Variants in C10orf90 observed in about 807,000 individuals in gnomAD.
C10orf90 encodes the protein (E2-independent) E3 ubiquitin-conjugating enzyme FATS.
In C10orf90, 56 loss-of-function variants were observed where a neutral mutation model predicts 62.5. The ratio of observed to expected loss-of-function variants is 0.90; its 90% CI spans 0.72 to 1.12. The LOEUF is 1.12. C10orf90 is among the 50% of genes most tolerant of loss of function. C10orf90 has a pLI of 0.00. For missense variants in C10orf90, 970 were observed against 880.4 expected, an observed-to-expected ratio of 1.10 and a Z score of -1.29; for synonymous variants, 386 against 340.4, an observed-to-expected ratio of 1.13 and a Z score of -1.47.
intron 2 of C10orf90, among the ~76,000 whole-genome samples, chr10:126,625,165 C>T (rs150172658): frequency 1.7e-3 from 256 of 152,258 alleles, no homozygotes; most frequent in African/African-American, 5.3e-3. Context: ...CACTCACGTG[C>T]CATTTCCCCC....
At chr10:126,430,420 A>G (rs748924627) in intron 7 of C10orf90, among the ~76,000 whole-genome samples, 7 of 152,230 alleles carry the variant, frequency 4.6e-5, no homozygotes, top group Non-Finnish European at 1.0e-4. Flanking sequence ...CACAGTAGCT[A>G]AAAATCACTA....
intron 2 of C10orf90, among the ~76,000 whole-genome samples, chr10:126,565,050 A>G (rs1193592681): frequency 4.1e-5 from 1 of 24,586 alleles, no homozygotes; most frequent in Non-Finnish European, 7.4e-5. Flanking sequence ...TATAATATAT[A>G]ATATATAAAA....
At chr10:126,633,288 C>T (rs1845885805) in intron 2 of C10orf90, among the ~76,000 whole-genome samples, 1 of 152,226 alleles carries the variant, frequency 6.6e-6, no homozygotes, top group African/African-American at 2.4e-5. Flanking sequence ...CCCAGGGCCA[C>T]ATGATGTCTT....
intron 4 of C10orf90, among the ~76,000 whole-genome samples, chr10:126,495,130 AC>A (rs1457289997): frequency 6.6e-6 from 1 of 152,170 alleles, no homozygotes; most frequent in African/African-American, 2.4e-5. Context: ...TCATGTATAG[AC>A]GGTGCTCTGC....
At chr10:126,659,338 A>G (rs908470445) in intron 1 of C10orf90, among the ~76,000 whole-genome samples, 2 of 152,180 alleles carry the variant, frequency 1.3e-5, no homozygotes, top group Non-Finnish European at 2.9e-5. Flanking sequence ...CTTTCTGTAA[A>G]TTGAGGGCTG....
At chr10:126,629,065 A>G (rs1845803318) in intron 2 of C10orf90, among the ~76,000 whole-genome samples, 1 of 152,184 alleles carries the variant, frequency 6.6e-6, no homozygotes, top group South Asian at 2.1e-4. Context: ...TAGGATTCCA[A>G]ACACAAGCCA....
intron 2 of C10orf90, among the ~76,000 whole-genome samples, chr10:126,635,100 A>G (rs2133835148): frequency 6.6e-6 from 1 of 152,332 alleles, no homozygotes; most frequent in African/African-American, 2.4e-5. Flanking sequence ...CATAAAAAGA[A>G]CAAATCAAGC....
At chr10:126,618,255 G>A (rs1845581080) in intron 2 of C10orf90, among the ~76,000 whole-genome samples, 1 of 152,140 alleles carries the variant, frequency 6.6e-6, no homozygotes, top group African/African-American at 2.4e-5. Flanking sequence ...GATGCATCTC[G>A]ATTTCAGAGA....
intron 2 of C10orf90, among the ~76,000 whole-genome samples, chr10:126,533,855 G>C (rs947075447): frequency 6.6e-6 from 1 of 152,220 alleles, no homozygotes; most frequent in Admixed American, 6.5e-5. Flanking sequence ...CTGCCAATAG[G>C]TATGAGAGCT....
chr10:126,473,501 T>A (rs1012641443), intron 4 of C10orf90, among the ~76,000 whole-genome samples: 3 of 152,112 alleles, frequency 2.0e-5, no homozygotes, highest in African/African-American at 7.2e-5. Flanking sequence ...GTCCACACAG[T>A]ATTTAGTGTG....
rs117376003 is a variant in C10orf90, at chr10:126,510,199, C to T, written c.405+3649G>A. 1.1e-3 allele frequency among the ~76,000 whole-genome samples: 172 copies of T among 152,292 alleles called. 1 individual carries two copies. The East Asian group carries it at 0.017, about 15-fold the overall frequency. ...CATTCTGAGAAAGTAGAGGATAGGA[C>T]TTCAACATATAAATTTAGTGGGGGT... is the stretch of plus-strand genomic sequence containing the variant. On this transcript the variant is annotated intron_variant, in intron 3 of 9. Transcript: ENST00000488181.
chr10:126,594,642 A>G (rs1591128820), intron 2 of C10orf90, among the ~76,000 whole-genome samples: 1 of 152,332 alleles, frequency 6.6e-6, no homozygotes, highest in East Asian at 1.9e-4. Flanking sequence ...ACTAGAGAGT[A>G]ACATGATTGG....
chr10:126,490,058 T>TATAATATATAATATATAATATA (rs1564828301), intron 4 of C10orf90, among the ~76,000 whole-genome samples: 19 of 103,106 alleles, frequency 1.8e-4, no homozygotes, highest in East Asian at 1.3e-3. Context: ...TATTATGTTA[T>TATAATATATAATATATAATATA]ATAATATATA....
chr10:126,623,908 C>A (rs1845694676), intron 2 of C10orf90, among the ~76,000 whole-genome samples: 1 of 151,590 alleles, frequency 6.6e-6, no homozygotes, highest in Non-Finnish European at 1.5e-5. Flanking sequence ...ACAGTCCCAG[C>A]CCTTAGAAAC....
intron 2 of C10orf90, among the ~76,000 whole-genome samples, chr10:126,588,491 C>T (rs7896336): frequency 0.94 from 143,539 of 152,276 alleles, 67,801 homozygotes; most frequent in Non-Finnish European, 0.97. Context: ...CAGGCTGCCA[C>T]TTTTGCTGTT....
chr10:126,657,282 C>A (rs1846413692), intron 1 of C10orf90, among the ~76,000 whole-genome samples: 1 of 152,224 alleles, frequency 6.6e-6, no homozygotes, highest in Non-Finnish European at 1.5e-5. Flanking sequence ...TCCTGAACAG[C>A]ATCTCTGTAC....
intron 2 of C10orf90, among the ~76,000 whole-genome samples, chr10:126,529,362 T>G (rs1479849211): frequency 6.6e-6 from 1 of 152,192 alleles, no homozygotes; most frequent in Non-Finnish European, 1.5e-5. Context: ...AATAAAAGTT[T>G]GATAATTTCA....
chr10:126,476,723 T>C (rs1860892897), intron 4 of C10orf90, among the ~76,000 whole-genome samples: 1 of 152,302 alleles, frequency 6.6e-6, no homozygotes, highest in Admixed American at 6.5e-5. Context: ...TGAGAGTAAC[T>C]CATAAGAAAC....
chr10:126,565,217 T>TTTATATTACATAATATATAATA (rs1564874218), intron 2 of C10orf90, among the ~76,000 whole-genome samples: 2 of 17,378 alleles, frequency 1.2e-4, no homozygotes, highest in African/African-American at 2.7e-4. Flanking sequence ...GTAATATAAT[T>TTTATATTACATAATATATAATA]TTTATATTAC....
Sources: allele counts gnomAD v4.1 joint callset (sites outside exome capture counted in the v4.1 genomes callset), GRCh38; gene constraint gnomAD v4.1.1; transcripts MANE v1.5; gene names NCBI Gene and HGNC (gene_info 2026-07-23, HGNC 2026-07-21).